The following ADAMTS19 variants were observed in gnomAD, a reference collection of about 807,000 sequenced individuals.
ADAMTS19 encodes the protein ADAM metallopeptidase with thrombospondin type 1 motif 19.
Under a neutral mutation model 153.3 loss-of-function variants are expected in ADAMTS19, and 93 were observed. The observed-to-expected ratio is 0.61, with a 90% CI of 0.51 to 0.72. The LOEUF is 0.72. ADAMTS19 is among the 30% of genes least tolerant of loss of function. The pLI, the probability that ADAMTS19 is intolerant of heterozygous loss-of-function variation, is 0.00. For missense variants in ADAMTS19, 1,482 were observed against 1,552.1 expected (o/e 0.95, Z 0.76); for synonymous variants, 600 against 556.6 (o/e 1.08, Z -1.10).
chr5:129,460,391 T>C lies in ADAMTS19; in HGVS notation c.-1T>C. 1 of 1,613,094 alleles carries C rather than the reference T, an allele frequency of 6.2e-7. No individual in the cohort carries two copies. The highest frequency in any genetic ancestry group is 2.2e-5 in the East Asian group (1 of 44,814). On this transcript the variant is annotated 5_prime_UTR_variant, in exon 1 of 23. Coordinates refer to ENST00000274487, the MANE Select transcript of ADAMTS19 (RefSeq NM_133638.6). ...AGAAGCCGCGGCCGCGGGAGCGCAG[T>C]ATGGGGAAGAACCGCGAGATGCGCC...
At chr5:129,568,743 A>G (rs1029516596) in intron 7 of ADAMTS19, among the ~76,000 whole-genome samples, 4 of 151,966 alleles carry the variant, frequency 2.6e-5, no homozygotes, top group African/African-American at 9.7e-5. Flanking sequence ...AATCACTTGA[A>G]CCCAGGAGTT....
At chr5:129,542,036 T>C (rs551792151) in intron 6 of ADAMTS19, among the ~76,000 whole-genome samples, 2 of 152,302 alleles carry the variant, frequency 1.3e-5, no homozygotes, top group East Asian at 3.9e-4. Flanking sequence ...GCAGAAATTA[T>C]TTTCCTTTAT....
chr5:129,491,158 C>T (rs550765910), intron 2 of ADAMTS19, among the ~76,000 whole-genome samples: 2 of 152,124 alleles, frequency 1.3e-5, no homozygotes, highest in South Asian at 2.1e-4. Flanking sequence ...CCCACCACCA[C>T]GCCCACCTAA....
chr5:129,702,936 AAAAAAATAT>A lies in ADAMTS19; in HGVS notation c.3160-1301_3160-1293del, dbSNP rs1373275000. Among the ~76,000 whole-genome samples the A allele has an allele frequency of 1.2e-3, 35 of 28,152 alleles. No individual in the cohort carries two copies. In the East Asian group the frequency reaches 0.053, roughly 43 times the overall value. The allele number at this position is 28,152 out of a possible 152,430, so 18.5% of individuals were successfully genotyped here. On this transcript the variant is annotated intron_variant, in intron 20 of 22. Transcript: ENST00000274487. ...AGGCATAGTTTGACTTGCCAAAAAA[AAAAAAATAT>A]ATATATATATATATATATATATATA...
At chr5:129,558,539 C>T (rs1753392777) in intron 7 of ADAMTS19, among the ~76,000 whole-genome samples, 1 of 152,002 alleles carries the variant, frequency 6.6e-6, no homozygotes, top group Admixed American at 6.5e-5. Flanking sequence ...TACTCATGGT[C>T]TGAAAGACTA....
chr5:129,575,777 T>C (rs66571432), intron 7 of ADAMTS19, among the ~76,000 whole-genome samples: 10,168 of 152,088 alleles, frequency 0.067, 588 homozygotes, highest in African/African-American at 0.16. Context: ...GAAATCTAAA[T>C]TAAAAATTTC....
chr5:129,471,445 G>T (rs144126790), intron 2 of ADAMTS19, among the ~76,000 whole-genome samples: 2 of 120,134 alleles, frequency 1.7e-5, no homozygotes, highest in East Asian at 5.1e-4. Flanking sequence ...AGGAAAGAAA[G>T]AAAAAGAAGG....
chr5:129,698,031 T>C (rs1476638517), intron 19 of ADAMTS19, among the ~76,000 whole-genome samples: 26 of 152,214 alleles, frequency 1.7e-4, no homozygotes, highest in Admixed American at 1.7e-3. Flanking sequence ...ACACACTATT[T>C]ATTTTTCATT....
At chr5:129,626,884 G>C (rs1338159561) in intron 10 of ADAMTS19, among the ~76,000 whole-genome samples, 2 of 152,034 alleles carry the variant, frequency 1.3e-5, no homozygotes, top group Non-Finnish European at 2.9e-5. Flanking sequence ...GTACTACCAA[G>C]GTAGATGGTT....
chr5:129,724,940 C>T (rs1757144672), intron 21 of ADAMTS19, among the ~76,000 whole-genome samples: 3 of 152,188 alleles, frequency 2.0e-5, no homozygotes, highest in Non-Finnish European at 2.9e-5. Context: ...GAGAAGGACC[C>T]TCAATGTTGA....
chr5:129,670,918 TCA>T (rs372905841), intron 16 of ADAMTS19, among the ~76,000 whole-genome samples: 1 of 152,290 alleles, frequency 6.6e-6, no homozygotes, highest in African/African-American at 2.4e-5. Context: ...CATATCCGTC[TCA>T]GTTAGTTACC....
intron 18 of ADAMTS19, among the ~76,000 whole-genome samples, 188 bp from the exon 19 acceptor site, chr5:129,694,532 T>A (rs995811438): frequency 3.3e-5 from 5 of 151,954 alleles, no homozygotes; most frequent in Non-Finnish European, 5.9e-5. Flanking sequence ...TCTGAATATA[T>A]CAAATTATCA....
At chr5:129,481,987 ACT>A (rs1285482594) in intron 2 of ADAMTS19, among the ~76,000 whole-genome samples, 1 of 152,012 alleles carries the variant, frequency 6.6e-6, no homozygotes, top group African/African-American at 2.4e-5. Context: ...TCCTTCCCTC[ACT>A]CTGCACCTGC....
chr5:129,519,097 T>C (rs1751704996), intron 3 of ADAMTS19, among the ~76,000 whole-genome samples: 1 of 152,138 alleles, frequency 6.6e-6, no homozygotes, highest in Admixed American at 6.6e-5. Context: ...TGCTGGTACC[T>C]GAAGCCAGTA....
intron 2 of ADAMTS19, among the ~76,000 whole-genome samples, chr5:129,490,707 G>A (rs575388482): frequency 6.6e-6 from 1 of 152,202 alleles, no homozygotes; most frequent in South Asian, 2.1e-4. Context: ...CCATTTTCTG[G>A]TGCAGATGTG....
rs199517358 is a variant in ADAMTS19, at chr5:129,654,232, T to TA, written c.2177-69dup. 3,242 of 1,417,806 alleles carry TA rather than the reference T, an allele frequency of 2.3e-3. 62 individuals are homozygous for TA. The Admixed American group carries it at 0.035, about 15-fold the overall frequency. 87.8% of individuals were successfully genotyped at this position (1,417,806 alleles called of 1,614,324 possible). The stretch of plus-strand genomic sequence containing the variant: ...ATATTTTTTACTCAATAACGATTCT[T>TA]AAAAATGAAGCTTAAGATAAAAATA... On this transcript the variant is annotated intron_variant, in intron 13 of 22. Transcript: ENST00000274487.
chr5:129,572,311 A>G (rs1419603691), intron 7 of ADAMTS19, among the ~76,000 whole-genome samples: 2 of 151,954 alleles, frequency 1.3e-5, no homozygotes, highest in African/African-American at 2.4e-5. Context: ...ACTCTCATAC[A>G]TTGTTGCTGG....
At chr5:129,480,210 A>T (rs918234202) in intron 2 of ADAMTS19, among the ~76,000 whole-genome samples, 3 of 152,190 alleles carry the variant, frequency 2.0e-5, no homozygotes, top group Non-Finnish European at 4.4e-5. Flanking sequence ...AGTCCTTGAC[A>T]TATGGTGCTG....
At chr5:129,574,955 C>A (rs1417902150) in intron 7 of ADAMTS19, among the ~76,000 whole-genome samples, 1 of 151,678 alleles carries the variant, frequency 6.6e-6, no homozygotes, top group Non-Finnish European at 1.5e-5. Flanking sequence ...GTTTGAGTCA[C>A]TTGAATTTAA....
Sources: allele counts gnomAD v4.1 joint callset (sites outside exome capture counted in the v4.1 genomes callset), GRCh38; gene constraint gnomAD v4.1.1; transcripts MANE v1.5; gene names NCBI Gene and HGNC (gene_info 2026-07-23, HGNC 2026-07-21).